NRG1: variants seen among roughly 807,000 people sequenced by gnomAD.
The protein encoded by NRG1 is neuregulin 1.
A neutral mutation model predicts 63.8 loss-of-function variants in NRG1; 18 were observed. The observed-to-expected ratio is 0.28, with a 90% CI of 0.19 to 0.42. The LOEUF (loss-of-function observed/expected upper bound fraction) is 0.42, where lower values mean the gene tolerates loss of function less well. Among genes scored for constraint, NRG1 ranks in the 10% least tolerant of loss-of-function variants. NRG1 has a pLI of 1.00. For missense variants in NRG1, 762 were observed against 814.7 expected, an observed-to-expected ratio of 0.94 and a Z score of 0.79; for synonymous variants, 302 against 301.3, an observed-to-expected ratio of 1.00 and a Z score of -0.02.
At chr8:32,230,223 C>T (rs1406595848) in intron 1 of NRG1, among the ~76,000 whole-genome samples, 1 of 152,158 alleles carries the variant, frequency 6.6e-6, no homozygotes, top group East Asian at 1.9e-4. Context: ...GGAGAATGTT[C>T]TCCAAATCAA....
intron 1 of NRG1, among the ~76,000 whole-genome samples, chr8:32,461,722 G>C (rs984389667): frequency 6.6e-6 from 1 of 152,050 alleles, no homozygotes; most frequent in Non-Finnish European, 1.5e-5. Flanking sequence ...CCTCAGAGAA[G>C]ATATCCTAGA....
chr8:32,324,660 C>T lies in NRG1; in HGVS notation c.38-271168C>T, dbSNP rs377320685. The stretch of plus-strand genomic sequence containing the variant: ...TATGATTCACTCTGAGGATTCTGCA[C>T]TGCAATTGAATATGTCAGAAAAGGC... On this transcript the variant is annotated intron_variant, in intron 1 of 10. Transcript: ENST00000519301. 9.9e-5 allele frequency among the ~76,000 whole-genome samples: 15 copies of T among 152,234 alleles called. No individual in the cohort carries two copies. In the East Asian group the frequency reaches 1.4e-3, roughly 14 times the overall value.
intron 1 of NRG1, among the ~76,000 whole-genome samples, chr8:32,193,682 C>A (rs1842709208): frequency 6.6e-6 from 1 of 151,932 alleles, no homozygotes; most frequent in Admixed American, 6.6e-5. Context: ...ACGTTAGAAT[C>A]CCAGCCCCCG....
At chr8:32,506,124 T>C (rs1162643036) in intron 1 of NRG1, among the ~76,000 whole-genome samples, 1 of 152,142 alleles carries the variant, frequency 6.6e-6, no homozygotes, top group Non-Finnish European at 1.5e-5. Context: ...GTGGTGTACA[T>C]CTGTAGTCTC....
At chr8:32,034,154 C>T (rs1381433082) in intron 1 of NRG1, among the ~76,000 whole-genome samples, 2 of 152,076 alleles carry the variant, frequency 1.3e-5, no homozygotes, top group Non-Finnish European at 2.9e-5. Context: ...GAGTTTTTAA[C>T]ATGAAGGGAT....
chr8:32,408,568 A>G (rs1283330188), intron 1 of NRG1, among the ~76,000 whole-genome samples: 1 of 150,218 alleles, frequency 6.7e-6, no homozygotes, highest in Non-Finnish European at 1.5e-5. Flanking sequence ...TGGCTACTGC[A>G]GAGGGGGAAA....
At chr8:32,571,351 C>T (rs967666941) in intron 1 of NRG1, among the ~76,000 whole-genome samples, 3 of 152,098 alleles carry the variant, frequency 2.0e-5, no homozygotes, top group Non-Finnish European at 2.9e-5. Flanking sequence ...AATGTGCATA[C>T]AAGGAGATTT....
chr8:32,643,923 G>A (rs1018902272), intron 5 of NRG1, among the ~76,000 whole-genome samples: 3 of 152,224 alleles, frequency 2.0e-5, no homozygotes, highest in African/African-American at 7.2e-5. Context: ...GAAGTGGTAT[G>A]TAATCAATAA....
intron 1 of NRG1, among the ~76,000 whole-genome samples, chr8:31,713,268 C>T (rs545032836): frequency 2.6e-5 from 4 of 152,030 alleles, no homozygotes; most frequent in Admixed American, 6.6e-5. Flanking sequence ...AGGCGCCCAC[C>T]ACCAAGCCCG....
intron 4 of NRG1, 80 bp from the exon 5 acceptor site, chr8:32,616,755 C>A: frequency 9.1e-7 from 1 of 1,101,056 alleles, no homozygotes; most frequent in Non-Finnish European, 1.4e-6. Context: ...CTAGGCGATA[C>A]CCAAGCCTGG....
upstream of NRG1, chr8:32,548,154 C>G (rs1833312332): frequency 1.1e-6 from 1 of 927,312 alleles, no homozygotes; most frequent in Admixed American, 6.2e-5. Context: ...CCAGGCTCCT[C>G]CCGGTGGCGT....
At chr8:32,119,442 T>C (rs1195264167) in intron 1 of NRG1, among the ~76,000 whole-genome samples, 1 of 152,116 alleles carries the variant, frequency 6.6e-6, no homozygotes, top group Non-Finnish European at 1.5e-5. Context: ...CCTATTCTTT[T>C]CTAACTTTAA....
chr8:31,995,395 A>G (rs1811799084), intron 1 of NRG1, among the ~76,000 whole-genome samples: 1 of 152,112 alleles, frequency 6.6e-6, no homozygotes, highest in East Asian at 1.9e-4. Flanking sequence ...ATAATCCTGC[A>G]GAGTTTTTCA....
At chr8:31,910,637 A>G (rs1327958946) in intron 1 of NRG1, among the ~76,000 whole-genome samples, 1 of 152,140 alleles carries the variant, frequency 6.6e-6, no homozygotes, top group African/African-American at 2.4e-5. Flanking sequence ...ATAAAAGGCT[A>G]GAGCTCAAAG....
chr8:32,174,094 A>C (rs1296494092), intron 1 of NRG1, among the ~76,000 whole-genome samples: 1 of 152,222 alleles, frequency 6.6e-6, no homozygotes, highest in Non-Finnish European at 1.5e-5. Flanking sequence ...TTGGAAGTAA[A>C]GCACTCCTCA....
chr8:32,423,037 A>C (rs1816890536), intron 1 of NRG1, among the ~76,000 whole-genome samples: 1 of 152,122 alleles, frequency 6.6e-6, no homozygotes, highest in Non-Finnish European at 1.5e-5. Context: ...TGTCAACTGC[A>C]CTCCCCATGA....
intron 3 of NRG1, among the ~76,000 whole-genome samples, chr8:32,607,988 C>CA (rs1298898358): frequency 5.3e-5 from 8 of 151,680 alleles, no homozygotes; most frequent in Admixed American, 1.3e-4. Flanking sequence ...TATCCAACCC[C>CA]TTCATTGTAT....
intron 1 of NRG1, among the ~76,000 whole-genome samples, chr8:32,007,765 C>T (rs911785710): frequency 6.6e-6 from 1 of 151,950 alleles, no homozygotes; most frequent in Non-Finnish European, 1.5e-5. Context: ...TTTCAGTGTA[C>T]TACCAGCTGG....
chr8:31,972,984 C>A (rs1044606914), intron 1 of NRG1, among the ~76,000 whole-genome samples: 1 of 152,308 alleles, frequency 6.6e-6, no homozygotes, highest in Middle Eastern at 3.4e-3. Flanking sequence ...AGTGATTACA[C>A]TGTATGTATA....
Sources: allele counts gnomAD v4.1 joint callset (sites outside exome capture counted in the v4.1 genomes callset), GRCh38; gene constraint gnomAD v4.1.1; transcripts MANE v1.5; gene names NCBI Gene and HGNC (gene_info 2026-07-23, HGNC 2026-07-21).